The following CCDC148 variants were observed in gnomAD, a reference collection of about 807,000 sequenced individuals.
The protein encoded by CCDC148 is coiled-coil domain-containing protein 148.
In CCDC148, 89 loss-of-function variants were observed where a neutral mutation model predicts 85.7. That is an observed-to-expected ratio of 1.04 (90% CI 0.87 to 1.24). The LOEUF (loss-of-function observed/expected upper bound fraction) is 1.24, where lower values mean the gene tolerates loss of function less well. Ranked by LOEUF, CCDC148 falls within the 50% of genes most tolerant of loss-of-function variation. CCDC148 has a pLI of 0.00. For synonymous variants in CCDC148, 230 were observed against 213.9 expected (o/e 1.08, Z -0.66); for missense variants, 692 against 671.7 (o/e 1.03, Z -0.33).
chr2:158,399,517 G>A (rs909251951), intron 1 of CCDC148, among the ~76,000 whole-genome samples: 1 of 152,014 alleles, frequency 6.6e-6, no homozygotes, highest in Non-Finnish European at 1.5e-5. Flanking sequence ...CAGAACCAAC[G>A]ACAAAAAACA....
intron 7 of CCDC148, among the ~76,000 whole-genome samples, chr2:158,324,954 T>G (rs1307320824): frequency 6.6e-6 from 1 of 152,052 alleles, no homozygotes; most frequent in Non-Finnish European, 1.5e-5. Context: ...TTCCTCCACT[T>G]GTGTACTAAA....
chr2:158,282,790 T>C (rs1690393672), intron 9 of CCDC148, among the ~76,000 whole-genome samples: 1 of 152,160 alleles, frequency 6.6e-6, no homozygotes, highest in South Asian at 2.1e-4. Context: ...TTAAAGTTCA[T>C]ATGGAACCAA....
intron 1 of CCDC148, among the ~76,000 whole-genome samples, chr2:158,374,445 A>C (rs1342087573): frequency 6.6e-6 from 1 of 152,088 alleles, no homozygotes; most frequent in Non-Finnish European, 1.5e-5. Context: ...AGCAAGTTTC[A>C]CTATGATACA....
intron 1 of CCDC148, among the ~76,000 whole-genome samples, chr2:158,421,274 A>G (rs1013640202): frequency 1.3e-5 from 2 of 152,218 alleles, no homozygotes; most frequent in African/African-American, 4.8e-5. Context: ...CCCCAAATCA[A>G]CAGAATACAC....
intron 9 of CCDC148, among the ~76,000 whole-genome samples, chr2:158,302,616 T>A (rs1466925143): frequency 1.3e-5 from 2 of 152,030 alleles, no homozygotes; most frequent in Non-Finnish European, 2.9e-5. Context: ...AAACGCTGCC[T>A]CTACTAAAAA....
intron 10 of CCDC148, among the ~76,000 whole-genome samples, chr2:158,244,034 A>G (rs1174750222): frequency 7.9e-5 from 12 of 152,026 alleles, no homozygotes; most frequent in African/African-American, 2.2e-4. Context: ...CCAGTTTCCA[A>G]TAATACATTC....
intron 2 of CCDC148, among the ~76,000 whole-genome samples, chr2:158,351,454 G>C (rs149498846): frequency 4.7e-4 from 26 of 55,176 alleles, no homozygotes; most frequent in Non-Finnish European, 7.4e-4. Context: ...TTCCCTTTCC[G>C]AGTCAAAGAA....
intron 2 of CCDC148, among the ~76,000 whole-genome samples, chr2:158,351,869 C>A (rs1015451819): frequency 2.3e-4 from 35 of 150,482 alleles, no homozygotes; most frequent in Admixed American, 1.5e-3. Context: ...CAGCACACAG[C>A]TGGAGATCTG....
intron 13 of CCDC148, among the ~76,000 whole-genome samples, chr2:158,173,022 C>T (rs1008336509): frequency 1.4e-4 from 21 of 152,108 alleles, no homozygotes; most frequent in African/African-American, 3.9e-4. Context: ...AGCTCTTAGG[C>T]GAACTGGGGC....
At chr2:158,243,021 A>G (rs1688416857) in intron 10 of CCDC148, among the ~76,000 whole-genome samples, 1 of 151,914 alleles carries the variant, frequency 6.6e-6, no homozygotes, top group African/African-American at 2.4e-5. Flanking sequence ...AAATGACTGA[A>G]CAAGTTCAGC....
chr2:158,188,304 C>G (rs1230238293), intron 11 of CCDC148, among the ~76,000 whole-genome samples: 1 of 151,960 alleles, frequency 6.6e-6, no homozygotes, highest in Non-Finnish European at 1.5e-5. Context: ...ATAGAACTTC[C>G]TGGGGCCAAG....
At chr2:158,424,907 G>A (rs571215726) in intron 1 of CCDC148, 88 of 267,132 alleles carry the variant, frequency 3.3e-4, no homozygotes, top group African/African-American at 1.7e-3. Flanking sequence ...AGCCAGTAAC[G>A]AAATTGTTAG....
chr2:158,294,280 G>A (rs1691064988), intron 9 of CCDC148, among the ~76,000 whole-genome samples: 2 of 152,056 alleles, frequency 1.3e-5, no homozygotes. Flanking sequence ...TTGTTGCTGA[G>A]TAATATTCCA....
intron 1 of CCDC148, among the ~76,000 whole-genome samples, chr2:158,449,840 C>T (rs1688322782): frequency 6.6e-6 from 1 of 152,192 alleles, no homozygotes; most frequent in Non-Finnish European, 1.5e-5. Flanking sequence ...TGGAGTCTTT[C>T]ACCATAAATA....
rs540578672 is a variant in CCDC148, at chr2:158,406,067, A to G, written c.26-47497T>C. 1.1e-3 allele frequency among the ~76,000 whole-genome samples: 161 copies of G among 152,232 alleles called. 1 individual carries two copies. Among genetic ancestry groups the G allele is most frequent in the African/African-American group, 3.7e-3 (152 of 41,534 alleles). On this transcript the variant is annotated intron_variant, in intron 1 of 13. Transcript: ENST00000283233. ...GGCTCTACATGGTGTGGCTTGCTGA[A>G]CCAGTACCTCTTTCCTTTTTGATCT... is the stretch of plus-strand genomic sequence containing the variant.
At chr2:158,367,574 A>C (rs1321458440) in intron 1 of CCDC148, among the ~76,000 whole-genome samples, 1 of 152,182 alleles carries the variant, frequency 6.6e-6, no homozygotes, top group Non-Finnish European at 1.5e-5. Context: ...TTTCAGAAGA[A>C]AATCATGCAA....
chr2:158,313,442 A>G (rs564653622), intron 8 of CCDC148, among the ~76,000 whole-genome samples: 1 of 152,308 alleles, frequency 6.6e-6, no homozygotes, highest in Admixed American at 6.5e-5. Context: ...CCTGAAGGTG[A>G]GCATCTGGCT....
intron 10 of CCDC148, among the ~76,000 whole-genome samples, chr2:158,237,559 G>A (rs1454513906): frequency 1.3e-5 from 2 of 152,174 alleles, no homozygotes; most frequent in African/African-American, 2.4e-5. Context: ...CGGCCTGAGT[G>A]CTAGCAGACT....
chr2:158,447,083 T>C (rs1036048129), intron 1 of CCDC148: 1 of 152,232 alleles, frequency 6.6e-6, no homozygotes, highest in African/African-American at 2.4e-5. Flanking sequence ...TGTGTGGACA[T>C]ACATATTTAT....
Sources: gnomAD v4.1 joint callset for allele counts (sites outside exome capture counted in the v4.1 genomes callset) on GRCh38, gnomAD v4.1.1 for gene constraint, MANE v1.5 for transcripts, NCBI Gene and HGNC (gene_info 2026-07-23, HGNC 2026-07-21) for gene names.